The following UNC80 variants were observed in gnomAD, a reference collection of about 807,000 sequenced individuals.
UNC80 encodes protein unc-80 homolog.
A neutral mutation model predicts 384.6 loss-of-function variants in UNC80; 164 were observed. The observed-to-expected ratio is 0.43, with a 90% CI of 0.38 to 0.49. The LOEUF (loss-of-function observed/expected upper bound fraction) is 0.49. UNC80 is among the 20% of genes least tolerant of loss of function. The pLI is 0.00. For missense variants in UNC80, 3,330 were observed against 4,143.0 expected, an observed-to-expected ratio of 0.80 and a Z score of 5.39; for synonymous variants, 1,486 against 1,527.8, an observed-to-expected ratio of 0.97 and a Z score of 0.64.
At chr2:209,911,348 A>G (rs1014746259) in intron 29 of UNC80, among the ~76,000 whole-genome samples, 19 of 152,146 alleles carry the variant, frequency 1.2e-4, no homozygotes, top group Non-Finnish European at 2.1e-4. Context: ...TTCACAGGGG[A>G]AAAAAGCAAA....
At chr2:209,977,308 T>C (rs180850139) in intron 58 of UNC80, among the ~76,000 whole-genome samples, 5 of 152,392 alleles carry the variant, frequency 3.3e-5, no homozygotes, top group Non-Finnish European at 7.3e-5. Context: ...CATAAGAATT[T>C]AGTTTTCCTT....
chr2:209,799,067 T>A lies in UNC80; in HGVS notation c.938+5208T>A, dbSNP rs559906693. Among the ~76,000 whole-genome samples, 179 of 107,730 alleles carry A rather than the reference T, an allele frequency of 1.7e-3. 5 individuals are homozygous for A. The South Asian group carries it at 0.057, about 34-fold the overall frequency. 70.7% of individuals were successfully genotyped at this position (107,730 alleles called of 152,430 possible). On this transcript the variant is annotated intron_variant, in intron 7 of 64. Coordinates refer to ENST00000673920, the MANE Select transcript of UNC80 (RefSeq NM_001371986.1). ...TTAATTTATTTTAAATTCATTATTT[T>A]AAAAAAATAAAATAAGTGTTTTTTT...
At chr2:209,837,643 G>A (rs1279680330) in intron 18 of UNC80, among the ~76,000 whole-genome samples, 1 of 152,126 alleles carries the variant, frequency 6.6e-6, no homozygotes, top group Non-Finnish European at 1.5e-5. Flanking sequence ...TGACTACAGA[G>A]TATACCACCA....
chr2:209,808,870 C>T (rs2153826892), intron 7 of UNC80: 1 of 297,174 alleles, frequency 3.4e-6, no homozygotes. Flanking sequence ...CAGCAAACTG[C>T]CGGACTCGAA....
intron 4 of UNC80, among the ~76,000 whole-genome samples, chr2:209,779,569 G>C (rs2077044262): frequency 6.6e-6 from 1 of 152,132 alleles, no homozygotes; most frequent in Non-Finnish European, 1.5e-5. Context: ...CTGAACAGAG[G>C]TCCTTGAGTG....
intron 42 of UNC80, among the ~76,000 whole-genome samples, chr2:209,938,669 A>AGTCTCT (rs1402691065): frequency 2.5e-5 from 3 of 120,716 alleles, no homozygotes; most frequent in East Asian, 4.8e-4. Context: ...GTGCTTGCCT[A>AGTCTCT]GTCTCTGTCT....
chr2:209,880,155 A>C (rs1223589620), intron 24 of UNC80, among the ~76,000 whole-genome samples: 27 of 152,174 alleles, frequency 1.8e-4, no homozygotes, highest in Non-Finnish European at 3.1e-4. Context: ...CTGTGTCATC[A>C]GTTGTGATGA....
intron 51 of UNC80, among the ~76,000 whole-genome samples, chr2:209,961,959 G>T (rs1559401752): frequency 6.6e-6 from 1 of 152,176 alleles, no homozygotes; most frequent in Non-Finnish European, 1.5e-5. Flanking sequence ...AGTATGGATA[G>T]CCATGTATAA....
intron 7 of UNC80, among the ~76,000 whole-genome samples, chr2:209,805,728 C>A (rs570625848): frequency 6.6e-6 from 1 of 151,842 alleles, no homozygotes; most frequent in Non-Finnish European, 1.5e-5. Flanking sequence ...ACCTAATCTT[C>A]TATAACCTAA....
intron 4 of UNC80, among the ~76,000 whole-genome samples, chr2:209,781,204 T>C (rs2077139314): frequency 6.6e-6 from 1 of 152,164 alleles, no homozygotes; most frequent in African/African-American, 2.4e-5. Context: ...CTTGCTTCTA[T>C]TTGCCTCTAT....
At chr2:209,902,544 A>G (rs947878114) in intron 28 of UNC80, among the ~76,000 whole-genome samples, 2 of 152,116 alleles carry the variant, frequency 1.3e-5, no homozygotes, top group African/African-American at 4.8e-5. Context: ...AAACTTCTTC[A>G]TTGTCTAATT....
chr2:209,967,482 C>A lies in UNC80; in HGVS notation c.7851C>A (p.Asp2617Glu). 6.4e-7 allele frequency: 1 copy of A among 1,551,522 alleles called. No individual in the cohort carries two copies. Among genetic ancestry groups the A allele is most frequent in the Non-Finnish European group, 8.7e-7 (1 of 1,146,976 alleles). Residue 2617 changes from aspartate (D) to glutamate (E), a missense_variant, in exon 52 of 65, where the codon GAC becomes GAA. Transcript: ENST00000673920. ...AHSLLKLAPY[D>E]TQTMESRGLR... ...CCCTTCTGAAGCTGGCACCATATGACACTCAGACAATGGAGAGTCGTGGGC... is the reference window on the plus strand; with the variant it reads ...CCCTTCTGAAGCTGGCACCATATGAAACTCAGACAATGGAGAGTCGTGGGC...
At position 209,847,095 on chromosome 2, in the gene UNC80, A is replaced by G. The variant is rs375143136; in HGVS notation, c.3455-2356A>G. 9.9e-5 allele frequency among the ~76,000 whole-genome samples: 15 copies of G among 152,128 alleles called. No homozygotes were observed. In the East Asian group the frequency reaches 2.1e-3, roughly 22 times the overall value. On this transcript the variant is annotated intron_variant, in intron 21 of 64. Transcript: ENST00000673920. Reference sequence around the variant, plus strand: ...GTTTGTGCACTCTCAGTGGATCTGAATTTAAATCTTGCCTTTATAACTGTC... The same window carrying G: ...GTTTGTGCACTCTCAGTGGATCTGAGTTTAAATCTTGCCTTTATAACTGTC...
chr2:209,852,511 G>T (rs2082603345), intron 22 of UNC80, among the ~76,000 whole-genome samples: 1 of 152,006 alleles, frequency 6.6e-6, no homozygotes, highest in South Asian at 2.1e-4. Context: ...GAGAGCAAAA[G>T]AATTAAGCCA....
intron 58 of UNC80, among the ~76,000 whole-genome samples, chr2:209,977,700 G>C (rs1190774471): frequency 6.6e-6 from 1 of 152,194 alleles, no homozygotes; most frequent in Non-Finnish European, 1.5e-5. Context: ...GATTCCCTTA[G>C]AGCTGGCAAA....
At chr2:209,888,307 T>C (rs1559269809) in intron 26 of UNC80, 47 bp downstream of exon 26, 2 of 1,542,530 alleles carry the variant, frequency 1.3e-6, no homozygotes, top group East Asian at 4.9e-5. Context: ...TTCTTGTTTC[T>C]CATAGGATAT....
intron 32 of UNC80, 122 bp downstream of exon 32, chr2:209,918,080 T>G: frequency 1.1e-6 from 1 of 948,360 alleles, no homozygotes; most frequent in Non-Finnish European, 1.5e-6. Context: ...TCTCTGATCA[T>G]ATAAGTAAAC....
intron 61 of UNC80, among the ~76,000 whole-genome samples, chr2:209,990,130 C>T (rs978213874): frequency 2.0e-5 from 3 of 152,142 alleles, no homozygotes; most frequent in African/African-American, 7.2e-5. Context: ...TGATCCTCTC[C>T]TGGAATAATC....
At chr2:209,850,510 T>A (rs896889788) in intron 22 of UNC80, among the ~76,000 whole-genome samples, 1 of 152,120 alleles carries the variant, frequency 6.6e-6, no homozygotes, top group Non-Finnish European at 1.5e-5. Context: ...TGGAAAATAA[T>A]CCAAGCCTTA....
Sources: allele counts gnomAD v4.1 joint callset (sites outside exome capture counted in the v4.1 genomes callset), GRCh38; gene constraint gnomAD v4.1.1; transcripts MANE v1.5; gene names NCBI Gene and HGNC (gene_info 2026-07-23, HGNC 2026-07-21).